The following TRIP12 variants were observed in gnomAD, a reference collection of about 807,000 sequenced individuals.
TRIP12 encodes thyroid hormone receptor interactor 12.
A neutral mutation model predicts 244.2 loss-of-function variants in TRIP12; 25 were observed. That is an observed-to-expected ratio of 0.10 (90% CI 0.07 to 0.14). The LOEUF (loss-of-function observed/expected upper bound fraction) is 0.14. TRIP12 is among the 10% of genes least tolerant of loss of function. TRIP12 has a pLI of 1.00. For synonymous variants in TRIP12, 905 were observed against 873.1 expected (o/e 1.04, Z -0.64); for missense variants, 1,677 against 2,486.4 (o/e 0.67, Z 6.92).
In TRIP12 at chr2:229,791,873, T is replaced by C. The variant is rs775966649; in HGVS notation, c.4408A>G (p.Thr1470Ala). The change falls in exon 29 of 42, where the codon ACA becomes GCA. Residue 1470 changes from threonine to alanine, a missense_variant. Physicochemically the swap from Thr to Ala is moderately conservative, Grantham distance 58. This residue lies in a region of TRIP12 where 265 missense variants were observed against 370.8 expected (regional missense o/e 0.71). Coordinates refer to ENST00000675903, the MANE Select transcript of TRIP12 (RefSeq NM_001348323.3). ...AAGAATTTTCAGACTTGCCATATTG[T>C]ATGAGTCTTTGTCCAAATACCAGCT... is the stretch of plus-strand genomic sequence containing the variant. ...GRAGIWTKTHTIWYKPVREDE... is the reference protein window; with the variant it reads ...GRAGIWTKTHAIWYKPVREDE... 1.2e-6 allele frequency: 2 copies of C among 1,613,758 alleles called. No homozygotes were observed. The highest frequency in any genetic ancestry group is 2.2e-5 in the East Asian group (1 of 44,864).
intron 1 of TRIP12, among the ~76,000 whole-genome samples, chr2:229,899,637 T>C (rs1336295327): frequency 6.6e-6 from 1 of 152,082 alleles, no homozygotes; most frequent in Non-Finnish European, 1.5e-5. Context: ...CTACTCTAAG[T>C]ACTATTAGAG....
chr2:229,769,175 A>G (rs1014734035), intron 40 of TRIP12, 56 bp downstream of exon 40: 5 of 1,491,450 alleles, frequency 3.4e-6, no homozygotes, highest in Non-Finnish European at 4.6e-6. Flanking sequence ...GTACACACAC[A>G]CCCCTCTCCA....
intron 1 of TRIP12, among the ~76,000 whole-genome samples, chr2:229,905,294 G>A (rs1324685897): frequency 6.6e-6 from 1 of 150,834 alleles, no homozygotes; most frequent in Non-Finnish European, 1.5e-5. Context: ...AAAAAAAAGT[G>A]TATTTAAAAA....
intron 8 of TRIP12, among the ~76,000 whole-genome samples, chr2:229,828,466 A>G (rs1575597883): frequency 6.6e-6 from 1 of 152,190 alleles, no homozygotes; most frequent in East Asian, 1.9e-4. Flanking sequence ...TATAGATCAT[A>G]TTTTGATCCA....
At chr2:229,881,535 C>T (rs2064880616) in intron 1 of TRIP12, among the ~76,000 whole-genome samples, 1 of 152,098 alleles carries the variant, frequency 6.6e-6, no homozygotes, top group Admixed American at 6.5e-5. Context: ...AAGTAGTTTT[C>T]TTTTGGGTTA....
chr2:229,857,637 CAA>C (rs57882382), intron 4 of TRIP12, among the ~76,000 whole-genome samples: 3 of 140,506 alleles, frequency 2.1e-5, no homozygotes, highest in Admixed American at 7.1e-5. Context: ...GACTCTGTCT[CAA>C]AAAAAAAAAA....
chr2:229,777,293 G>A (rs746547925), intron 37 of TRIP12, 22 bp downstream of exon 37: 5 of 1,607,946 alleles, frequency 3.1e-6, no homozygotes, highest in South Asian at 1.1e-5. Context: ...TTGATCTACT[G>A]GACTGTTTCT....
chr2:229,804,029 T>C lies in TRIP12; in HGVS notation c.2849A>G (p.Lys950Arg). Residue 950 changes from lysine (K) to arginine (R), a missense_variant, in exon 19 of 42, where the codon AAG (lysine) becomes AGG (arginine). Around this residue, in one of 11 missense-constraint regions of TRIP12, gnomAD observed 572 missense variants for 867.8 expected, o/e 0.66. Coordinates refer to ENST00000675903, the MANE Select transcript of TRIP12 (RefSeq NM_001348323.3). ...IIYFADAELL[K>R]DVLKNHAVSS... ...AACAGCATGATTTTTCAGAACATCCTTCAGAAGTTCAGCATCCGCAAAATA... is the reference window on the plus strand; with the variant it reads ...AACAGCATGATTTTTCAGAACATCCCTCAGAAGTTCAGCATCCGCAAAATA... 1 of 1,613,902 alleles carries C rather than the reference T, an allele frequency of 6.2e-7. No homozygotes were observed. The highest frequency in any genetic ancestry group is 8.5e-7 in the Non-Finnish European group (1 of 1,179,886).
intron 38 of TRIP12, among the ~76,000 whole-genome samples, chr2:229,772,034 T>G (rs1395249850): frequency 1.3e-5 from 2 of 152,254 alleles, no homozygotes; most frequent in African/African-American, 4.8e-5. Context: ...TTTTTAATTT[T>G]TAACGTAAAA....
At chr2:229,902,998 TTTTTTC>T (rs1384812322) in intron 1 of TRIP12, among the ~76,000 whole-genome samples, 1 of 60,206 alleles carries the variant, frequency 1.7e-5, no homozygotes, top group African/African-American at 9.1e-5. Context: ...GTGCGGGTTT[TTTTTTC>T]TTTTTCTTTT....
At chr2:229,823,418 A>G (rs1266557966) in intron 8 of TRIP12, among the ~76,000 whole-genome samples, 2 of 152,092 alleles carry the variant, frequency 1.3e-5, no homozygotes, top group Non-Finnish European at 2.9e-5. Flanking sequence ...TCACGCCTGT[A>G]GTCCCAGCAT....
At chr2:229,801,233 T>C (rs1293604047) in intron 21 of TRIP12, among the ~76,000 whole-genome samples, 1 of 152,152 alleles carries the variant, frequency 6.6e-6, no homozygotes, top group African/African-American at 2.4e-5. Flanking sequence ...ACAACATGGG[T>C]GCCAGTTAAA....
At chr2:229,899,132 TTTC>T (rs2069825930) in intron 1 of TRIP12, among the ~76,000 whole-genome samples, 1 of 152,192 alleles carries the variant, frequency 6.6e-6, no homozygotes, top group African/African-American at 2.4e-5. Flanking sequence ...AGCCATCAAA[TTTC>T]TTCTTTTTTT....
intron 6 of TRIP12, among the ~76,000 whole-genome samples, chr2:229,834,483 G>A (rs1323171958): frequency 6.6e-6 from 1 of 152,200 alleles, no homozygotes; most frequent in Non-Finnish European, 1.5e-5. Context: ...TAGCAGACCA[G>A]GTGCAGAGGC....
chr2:229,792,298 C>G, intron 27 of TRIP12, 72 bp from the exon 28 acceptor site: 1 of 1,357,776 alleles, frequency 7.4e-7, no homozygotes, highest in Non-Finnish European at 1.0e-6. Flanking sequence ...TGTATACACA[C>G]TGGTTAAACA....
At chr2:229,893,985 A>C (rs1423998175) in intron 1 of TRIP12, among the ~76,000 whole-genome samples, 1 of 152,118 alleles carries the variant, frequency 6.6e-6, no homozygotes, top group Non-Finnish European at 1.5e-5. Context: ...AGTATTGGCC[A>C]TCTCTGCTAA....
intron 25 of TRIP12, 22 bp downstream of exon 25, chr2:229,796,569 C>A: frequency 6.5e-7 from 1 of 1,541,958 alleles, no homozygotes; most frequent in Admixed American, 2.2e-5. Context: ...AAAAGATACA[C>A]AGGCATTATT....
At chr2:229,772,207 G>C (rs916175831) in intron 38 of TRIP12, among the ~76,000 whole-genome samples, 2 of 152,054 alleles carry the variant, frequency 1.3e-5, no homozygotes. Flanking sequence ...ACTGACTTTG[G>C]GTAGCCCAAT....
intron 27 of TRIP12, 30 bp downstream of exon 27, chr2:229,792,943 T>C (rs2041917466): frequency 4.4e-6 from 7 of 1,602,836 alleles, no homozygotes; most frequent in Non-Finnish European, 6.0e-6. Flanking sequence ...TATACATATA[T>C]AACACACGAA....
Sources: gnomAD v4.1 joint callset for allele counts (sites outside exome capture counted in the v4.1 genomes callset) on GRCh38, gnomAD v4.1.1 for gene constraint, gnomAD v4.1.1 regional missense constraint, MANE v1.5 for transcripts, NCBI Gene and HGNC (gene_info 2026-07-23, HGNC 2026-07-21) for gene names.